Variants in KCNMB2 observed in about 807,000 individuals in gnomAD.
KCNMB2 encodes calcium-activated potassium channel subunit beta-2.
A neutral mutation model predicts 24.5 loss-of-function variants in KCNMB2; 9 were observed. The ratio of observed to expected loss-of-function variants is 0.37; its 90% confidence interval spans 0.22 to 0.64. The LOEUF (loss-of-function observed/expected upper bound fraction) is 0.64, where lower values mean the gene tolerates loss of function less well. Ranked by LOEUF, KCNMB2 falls within the 30% of genes least tolerant of loss-of-function variation. The pLI is 0.63. For missense variants in KCNMB2, 226 were observed against 284.3 expected (o/e 0.79, Z 1.47); for synonymous variants, 109 against 104.4 (o/e 1.04, Z -0.27).
At chr3:178,758,045 G>C (rs1560006467) in intron 1 of KCNMB2, among the ~76,000 whole-genome samples, 1 of 1,914 alleles carries the variant, frequency 5.2e-4, no homozygotes, top group Non-Finnish European at 1.1e-3. Flanking sequence ...TATATATCTA[G>C]ATATATATAT....
intron 1 of KCNMB2, among the ~76,000 whole-genome samples, chr3:178,743,403 G>A (rs559810575): frequency 6.6e-6 from 1 of 152,196 alleles, no homozygotes; most frequent in African/African-American, 2.4e-5. Flanking sequence ...TATCCTCTGA[G>A]GATACAGAGG....
At chr3:178,600,913 CA>C (rs1718058489) in intron 1 of KCNMB2, among the ~76,000 whole-genome samples, 1 of 152,138 alleles carries the variant, frequency 6.6e-6, no homozygotes, top group Admixed American at 6.6e-5. Context: ...TACACTCCAA[CA>C]GTGTAAAAGC....
intron 1 of KCNMB2, among the ~76,000 whole-genome samples, chr3:178,575,096 C>A (rs778159147): frequency 3.3e-5 from 5 of 152,026 alleles, no homozygotes; most frequent in Admixed American, 1.3e-4. Flanking sequence ...AAATCTGTAT[C>A]TTTGTGATGC....
rs557736884 is a variant in KCNMB2 at position 178,584,147 on chromosome 3, T to C, written c.-68+47436T>C. ...GGCTAACACGTCTGCTTTAAAAAGA[T>C]GATGAAACGGATAGCTCATGCATCT... On this transcript the variant is annotated intron_variant, in intron 1 of 4. Transcript: ENST00000452583. Among the ~76,000 whole-genome samples, 13 of 152,348 alleles carry C rather than the reference T, an allele frequency of 8.5e-5. No homozygotes were observed. The South Asian group carries it at 1.0e-3, about 12-fold the overall frequency.
intron 1 of KCNMB2, among the ~76,000 whole-genome samples, chr3:178,633,606 G>C (rs1238884804): frequency 6.6e-6 from 1 of 152,166 alleles, no homozygotes; most frequent in Admixed American, 6.5e-5. Flanking sequence ...GTGGGCACCT[G>C]TACCTGCCCC....
intron 1 of KCNMB2, among the ~76,000 whole-genome samples, chr3:178,675,122 A>G (rs1166023622): frequency 6.6e-6 from 1 of 152,226 alleles, no homozygotes; most frequent in African/African-American, 2.4e-5. Context: ...AATGTCTGTA[A>G]ATGTTGAATG....
In KCNMB2 at chr3:178,828,268, G is replaced by C. The variant is rs1440456555; in HGVS notation, c.318G>C (p.Trp106Cys). ...NCSFSCGPDCWKLSQYPCLQV... is the reference protein window; with the variant it reads ...NCSFSCGPDCCKLSQYPCLQV... The stretch of plus-strand genomic sequence containing the variant: ...CCTTCAGCTGTGGTCCAGACTGCTG[G>C]AAACTTTCTCAGTACCCCTGCCTCC... The change falls in exon 4 of 5, where the codon TGG becomes TGC. Residue 106 changes from tryptophan (W) to cysteine (C), a missense_variant. Physicochemically the swap from Trp to Cys is radical, Grantham distance 215 (BLOSUM62 -2). Transcript: ENST00000452583. The C allele has an allele frequency of 6.2e-7, 1 of 1,613,812 alleles. No homozygotes were observed. The highest frequency in any genetic ancestry group is 1.3e-5 in the African/African-American group (1 of 74,882).
chr3:178,589,939 G>A (rs1289645098), intron 1 of KCNMB2, among the ~76,000 whole-genome samples: 1 of 152,146 alleles, frequency 6.6e-6, no homozygotes, highest in Non-Finnish European at 1.5e-5. Flanking sequence ...AAAGAAAGTC[G>A]TAACATTTTA....
At position 178,758,084 on chromosome 3, in the gene KCNMB2, A is replaced by T. The variant is rs1263449691; in HGVS notation, c.-67-49259A>T. 5.5e-5 allele frequency among the ~76,000 whole-genome samples: 5 copies of T among 91,114 alleles called. 1 individual carries two copies. Among genetic ancestry groups the T allele is most frequent in the African/African-American group, 1.3e-4 (3 of 23,350 alleles). 59.8% of individuals were successfully genotyped at this position (91,114 alleles called of 152,430 possible). A position where few individuals can be genotyped will look rare whatever the true frequency, so the allele number is the denominator to read the frequency against. ...TCTCCAAGAGGATATATATATATACACAAGAGGATATATATATATACACAC... is the reference window on the plus strand; with the variant it reads ...TCTCCAAGAGGATATATATATATACTCAAGAGGATATATATATATACACAC... On this transcript the variant is annotated intron_variant, in intron 1 of 4. Transcript: ENST00000452583.
At chr3:178,787,423 C>T (rs1713151440) in intron 1 of KCNMB2, among the ~76,000 whole-genome samples, 1 of 152,066 alleles carries the variant, frequency 6.6e-6, no homozygotes, top group African/African-American at 2.4e-5. Context: ...TGTAACATCA[C>T]AAAGTATATC....
chr3:178,789,768 G>T (rs1372734724), intron 1 of KCNMB2, among the ~76,000 whole-genome samples: 1 of 152,090 alleles, frequency 6.6e-6, no homozygotes. Flanking sequence ...GTTCCAGCTA[G>T]CTCCATCACT....
chr3:178,835,748 T>C (rs1184577373), intron 4 of KCNMB2, among the ~76,000 whole-genome samples: 1 of 151,524 alleles, frequency 6.6e-6, no homozygotes, highest in Admixed American at 6.6e-5. Context: ...TCATGGACAT[T>C]GTAGACTAGG....
At chr3:178,777,988 C>T (rs1016989387) in intron 1 of KCNMB2, among the ~76,000 whole-genome samples, 16 of 152,172 alleles carry the variant, frequency 1.1e-4, no homozygotes, top group African/African-American at 3.9e-4. Context: ...TAGACAAATG[C>T]TCTCAAGTGG....
intron 1 of KCNMB2, among the ~76,000 whole-genome samples, chr3:178,728,687 T>C (rs978655435): frequency 6.6e-6 from 1 of 152,178 alleles, no homozygotes; most frequent in African/African-American, 2.4e-5. Context: ...GCTGTCCTTT[T>C]ATACACAGGG....
chr3:178,572,621 TC>T (rs1389872491), intron 1 of KCNMB2, among the ~76,000 whole-genome samples: 1 of 152,048 alleles, frequency 6.6e-6, no homozygotes, highest in Non-Finnish European at 1.5e-5. Flanking sequence ...GATTTACTTC[TC>T]CCCACTTTAC....
chr3:178,562,246 G>A (rs1436275672), intron 1 of KCNMB2, among the ~76,000 whole-genome samples: 1 of 152,204 alleles, frequency 6.6e-6, no homozygotes, highest in Non-Finnish European at 1.5e-5. Flanking sequence ...TTTTGGTTAT[G>A]CAATCACTCA....
At chr3:178,634,861 T>C (rs1385776507) in intron 1 of KCNMB2, among the ~76,000 whole-genome samples, 1 of 152,094 alleles carries the variant, frequency 6.6e-6, no homozygotes, top group Non-Finnish European at 1.5e-5. Flanking sequence ...GTTTGAGCTC[T>C]GAGGAAAAGG....
intron 1 of KCNMB2, among the ~76,000 whole-genome samples, chr3:178,539,234 A>C (rs923372343): frequency 6.6e-6 from 1 of 152,332 alleles, no homozygotes; most frequent in East Asian, 1.9e-4. Context: ...ATTAAAAATA[A>C]AGCTTCCAAA....
At chr3:178,650,847 T>C (rs912422640) in intron 1 of KCNMB2, among the ~76,000 whole-genome samples, 3 of 152,068 alleles carry the variant, frequency 2.0e-5, no homozygotes, top group Non-Finnish European at 4.4e-5. Context: ...AGGCCTTTGA[T>C]AAAATTTAAC....
Sources: allele counts gnomAD v4.1 joint callset (sites outside exome capture counted in the v4.1 genomes callset), GRCh38; gene constraint gnomAD v4.1.1; transcripts MANE v1.5; gene names NCBI Gene and HGNC (gene_info 2026-07-23, HGNC 2026-07-21).